RAP2A: variants seen among roughly 807,000 people sequenced by gnomAD.
RAP2A encodes the protein RAP2A, member of RAS oncogene family.
RAP2A carries 5 observed loss-of-function variants against 15.1 expected under a neutral mutation model. The ratio of observed to expected loss-of-function variants is 0.33; its 90% CI spans 0.17 to 0.70. The LOEUF is 0.70. Among genes scored for constraint, RAP2A ranks in the 30% least tolerant of loss-of-function variants. The pLI, the probability that RAP2A is intolerant of heterozygous loss-of-function variation, is 0.68. For synonymous variants in RAP2A, 110 were observed against 99.7 expected, an observed-to-expected ratio of 1.10 and a Z score of -0.62; for missense variants, 111 against 240.3, an observed-to-expected ratio of 0.46 and a Z score of 3.56.
In RAP2A at chr13:97,464,783, A is replaced by G. The variant is rs2066763464; in HGVS notation, c.*341A>G. The G allele has an allele frequency of 9.4e-6, 2 of 212,634 alleles. No homozygotes were observed. The highest frequency in any genetic ancestry group is 1.1e-4 in the Admixed American group (2 of 17,980). The allele number at this position is 212,634 out of a possible 1,614,324, so 13.2% of individuals were successfully genotyped here. ...CAAATTAAAAATAACCATAAGGGAG[A>G]AACCAGAAGAATTCCTCTGACCACT... is the stretch of plus-strand genomic sequence containing the variant. On this transcript the variant is annotated 3_prime_UTR_variant, in exon 2 of 2. Coordinates refer to ENST00000245304, the MANE Select transcript of RAP2A (RefSeq NM_021033.7).
intron 1 of RAP2A, among the ~76,000 whole-genome samples, chr13:97,459,357 T>A (rs749479724): frequency 2.0e-5 from 3 of 152,208 alleles, no homozygotes; most frequent in Non-Finnish European, 2.9e-5. Context: ...TGAAAGTAAC[T>A]GTCATCACCC....
intron 1 of RAP2A, among the ~76,000 whole-genome samples, chr13:97,462,570 A>G (rs1484878677): frequency 6.6e-6 from 1 of 152,238 alleles, no homozygotes; most frequent in Non-Finnish European, 1.5e-5. Flanking sequence ...GCATGATCTA[A>G]GGCCCGAAAT....
At chr13:97,455,948 G>A (rs1020586731) in intron 1 of RAP2A, among the ~76,000 whole-genome samples, 9 of 151,180 alleles carry the variant, frequency 6.0e-5, no homozygotes, top group African/African-American at 2.2e-4. Context: ...CTGGTAAAAT[G>A]GGAAGAGAAA....
In RAP2A at chr13:97,434,668, C is replaced by T; in HGVS notation, c.198C>T (p.Ser66=). ...CGGCGGGCACCGAGCAGTTCGCGTC[C>T]ATGCGGGACCTGTACATCAAGAACG... ...LDTAGTEQFA[S]MRDLYIKNGQ... The change falls in exon 1 of 2, where the codon TCC becomes TCT. Residue 66 remains serine (S), a synonymous_variant. Coordinates refer to ENST00000245304, the MANE Select transcript of RAP2A (RefSeq NM_021033.7). 7 of 1,614,192 alleles carry T rather than the reference C, an allele frequency of 4.3e-6. No homozygotes were observed. The highest frequency in any genetic ancestry group is 5.9e-6 in the Non-Finnish European group (7 of 1,180,014).
chr13:97,440,157 A>G (rs549845351), intron 1 of RAP2A, among the ~76,000 whole-genome samples: 52 of 152,120 alleles, frequency 3.4e-4, no homozygotes, highest in Admixed American at 1.2e-3. Context: ...TTTTCCCTCT[A>G]AAAATACCTG....
In RAP2A at chr13:97,467,544, TTTG is replaced by T. The variant is rs1235761614; in HGVS notation, c.*3105_*3107del. The stretch of plus-strand genomic sequence containing the variant: ...AGTGTATGTATGAATATGAAAGTGC[TTTG>T]TTTTGTTTGTTGCTGTTTTTTGTTT... On this transcript the variant is annotated 3_prime_UTR_variant, in exon 2 of 2. Coordinates refer to ENST00000245304, the MANE Select transcript of RAP2A (RefSeq NM_021033.7). The T allele has an allele frequency of 6.6e-6, 1 of 152,618 alleles. No individual in the cohort carries two copies. The highest frequency in any genetic ancestry group is 1.5e-5 in the Non-Finnish European group (1 of 68,026). 9.5% of individuals were successfully genotyped at this position (152,618 alleles called of 1,614,324 possible).
intron 1 of RAP2A, among the ~76,000 whole-genome samples, chr13:97,437,033 G>A (rs1249301927): frequency 6.6e-6 from 1 of 152,104 alleles, no homozygotes; most frequent in Non-Finnish European, 1.5e-5. Flanking sequence ...TCAGTATTCA[G>A]CTTTAGGTCT....
At chr13:97,460,150 C>T (rs1049751669) in intron 1 of RAP2A, among the ~76,000 whole-genome samples, 11 of 152,126 alleles carry the variant, frequency 7.2e-5, no homozygotes, top group South Asian at 2.1e-4. Context: ...GTAGTGGCTC[C>T]GCTTGTAGAA....
intron 1 of RAP2A, among the ~76,000 whole-genome samples, chr13:97,450,766 C>T (rs1203402117): frequency 6.6e-6 from 1 of 151,992 alleles, no homozygotes; most frequent in African/African-American, 2.4e-5. Flanking sequence ...ACAGATAACA[C>T]ATTACTGGCA....
rs746428535 is a variant in RAP2A, at chr13:97,465,426, G to A, written c.*984G>A. Reference sequence around the variant, plus strand: ...TCATTAAAGCAGCAAATTCCTTCTCGCCTTTAAGGGCTATGGTTGTAGTGT... The same window carrying A: ...TCATTAAAGCAGCAAATTCCTTCTCACCTTTAAGGGCTATGGTTGTAGTGT... On this transcript the variant is annotated 3_prime_UTR_variant, in exon 2 of 2. Transcript: ENST00000245304. 12 of 152,576 alleles carry A rather than the reference G, an allele frequency of 7.9e-5. No individual in the cohort carries two copies. The highest frequency in any genetic ancestry group is 9.7e-5 in the African/African-American group (4 of 41,430). 9.5% of individuals were successfully genotyped at this position (152,576 alleles called of 1,614,324 possible).
intron 1 of RAP2A, among the ~76,000 whole-genome samples, chr13:97,445,786 T>C (rs967107213): frequency 1.3e-5 from 2 of 152,194 alleles, no homozygotes; most frequent in African/African-American, 4.8e-5. Context: ...AGCCAGGATG[T>C]TGTATGTTTA....
chr13:97,444,151 A>G (rs1221618791), intron 1 of RAP2A, among the ~76,000 whole-genome samples: 1 of 152,162 alleles, frequency 6.6e-6, no homozygotes, highest in African/African-American at 2.4e-5. Context: ...CTGTGTTTTA[A>G]GTGCTCTAAC....
intron 1 of RAP2A, among the ~76,000 whole-genome samples, chr13:97,441,277 G>A (rs2066656537): frequency 6.6e-6 from 1 of 151,942 alleles, no homozygotes; most frequent in Non-Finnish European, 1.5e-5. Context: ...CTACAATAAG[G>A]AATAATTATA....
At chr13:97,434,922 G>A (rs1400906932) in intron 1 of RAP2A, 138 bp downstream of exon 1, 5 of 1,270,236 alleles carry the variant, frequency 3.9e-6, no homozygotes, top group South Asian at 1.5e-5. Flanking sequence ...TTGTCATTCT[G>A]CTCCTCCTCC....
intron 1 of RAP2A, among the ~76,000 whole-genome samples, 173 bp downstream of exon 1, chr13:97,434,957 T>C: frequency 6.6e-6 from 1 of 152,228 alleles, no homozygotes; most frequent in Admixed American, 6.5e-5. Context: ...GAGTGCTTTG[T>C]TTCACAACTA....
chr13:97,455,732 TAC>T (rs1318914920), intron 1 of RAP2A, among the ~76,000 whole-genome samples: 1 of 151,520 alleles, frequency 6.6e-6, no homozygotes, highest in Non-Finnish European at 1.5e-5. Context: ...TTCCCACTCA[TAC>T]ACAGCTCATA....
intron 1 of RAP2A, among the ~76,000 whole-genome samples, chr13:97,461,969 A>T (rs540159166): frequency 0.028 from 3,906 of 138,128 alleles, 76 homozygotes; most frequent in South Asian, 0.069. Context: ...TCTCAAAAAA[A>T]AAATATATAT....
chr13:97,438,742 A>C (rs1324841602), intron 1 of RAP2A, among the ~76,000 whole-genome samples: 1 of 152,194 alleles, frequency 6.6e-6, no homozygotes, highest in African/African-American at 2.4e-5. Flanking sequence ...GCACTCATCC[A>C]AATTTAATTA....
rs1341728346 is a variant in RAP2A, at chr13:97,466,542, C to A, written c.*2100C>A. On this transcript the variant is annotated 3_prime_UTR_variant, in exon 2 of 2. Coordinates refer to ENST00000245304, the MANE Select transcript of RAP2A (RefSeq NM_021033.7). ...ATTCCTCTAACTTCTCAGAATGATT[C>A]TTTAGAATTCTATAATTCATAGCAA... The A allele has an allele frequency of 6.6e-6, 1 of 152,128 alleles. No homozygotes were observed. The highest frequency in any genetic ancestry group is 1.5e-5 in the Non-Finnish European group (1 of 68,030). 9.4% of individuals were successfully genotyped at this position (152,128 alleles called of 1,614,324 possible).
Sources: allele counts gnomAD v4.1 joint callset (sites outside exome capture counted in the v4.1 genomes callset), GRCh38; gene constraint gnomAD v4.1.1; transcripts MANE v1.5; gene names NCBI Gene and HGNC (gene_info 2026-07-23, HGNC 2026-07-21).